The following ACACB variants were observed in gnomAD, a reference collection of about 807,000 sequenced individuals.
ACACB encodes acetyl-CoA carboxylase beta.
A neutral mutation model predicts 278.8 loss-of-function variants in ACACB; 209 were observed. The observed-to-expected ratio is 0.75, with a 90% CI of 0.67 to 0.84. ACACB has a LOEUF of 0.84. Ranked by LOEUF, ACACB falls within the 40% of genes least tolerant of loss-of-function variation. The pLI is 0.00. For synonymous variants in ACACB, 1,174 were observed against 1,285.6 expected (o/e 0.91, Z 1.86); for missense variants, 2,850 against 3,269.0 (o/e 0.87, Z 3.13).
chr12:109,231,524 G>T (rs1256076784), intron 28 of ACACB, among the ~76,000 whole-genome samples: 1 of 152,154 alleles, frequency 6.6e-6, no homozygotes, highest in African/African-American at 2.4e-5. Context: ...GAGGGGCCAT[G>T]ATCGTGATTT....
chr12:109,193,541 T>C (rs1460281364), intron 15 of ACACB, 107 bp from the exon 16 acceptor site: 2 of 887,196 alleles, frequency 2.3e-6, no homozygotes, highest in South Asian at 2.9e-5. Context: ...TTTAGTGCAG[T>C]CAGGTTTGCT....
In ACACB at chr12:109,258,839, T is replaced by G. The variant is rs2047301505; in HGVS notation, c.6361-134T>G. 3.4e-6 allele frequency: 4 copies of G among 1,188,948 alleles called. No individual in the cohort carries two copies. The Admixed American group carries it at 9.0e-5, about 27-fold the overall frequency. 73.6% of individuals were successfully genotyped at this position (1,188,948 alleles called of 1,614,324 possible). On this transcript the variant is annotated intron_variant, in intron 46 of 52. Coordinates refer to ENST00000338432, the MANE Select transcript of ACACB (RefSeq NM_001093.4). ...GGAGGAGATGGGGCTTCCATCCTTC[T>G]GAGCCCTGGCTCTGGTGCTGGGGCC...
At chr12:109,147,780 CAT>C (rs774978324) in intron 2 of ACACB, among the ~76,000 whole-genome samples, 6 of 151,998 alleles carry the variant, frequency 3.9e-5, no homozygotes, top group Non-Finnish European at 7.3e-5. Context: ...GAATGTAAAA[CAT>C]GTGATGAATG....
At position 109,179,386 on chromosome 12, in the gene ACACB, A is replaced by G. The variant is rs1031079555; in HGVS notation, c.1647+89A>G. On this transcript the variant is annotated intron_variant, in intron 10 of 52. Coordinates refer to ENST00000338432, the MANE Select transcript of ACACB (RefSeq NM_001093.4). The stretch of plus-strand genomic sequence containing the variant: ...AACTTTCTACGGTCAGTGTGGCTGA[A>G]TGGTGGCATGGGTGCCTAACAAGAG... The G allele has an allele frequency of 2.9e-6, 4 of 1,362,098 alleles. No homozygotes were observed. In the Admixed American group the frequency reaches 7.9e-5, roughly 27 times the overall value. The allele number at this position is 1,362,098 out of a possible 1,614,324, so 84.4% of individuals were successfully genotyped here.
chr12:109,207,835 T>C (rs544611768), intron 20 of ACACB, among the ~76,000 whole-genome samples: 1 of 152,150 alleles, frequency 6.6e-6, no homozygotes, highest in African/African-American at 2.4e-5. Flanking sequence ...TGTGCCACCA[T>C]ACCCAGCTAA....
chr12:109,234,179 T>A (rs910823215), intron 31 of ACACB, 134 bp downstream of exon 31: 1 of 719,656 alleles, frequency 1.4e-6, no homozygotes, highest in African/African-American at 1.8e-5. Flanking sequence ...CCACTCTAGC[T>A]CTGCTCGCCT....
At chr12:109,221,806 G>T (rs914495186) in intron 24 of ACACB, among the ~76,000 whole-genome samples, 24 of 151,948 alleles carry the variant, frequency 1.6e-4, no homozygotes, top group Non-Finnish European at 2.5e-4. Context: ...GGGAGAATTT[G>T]GGGAGTTGTA....
At position 109,180,043 on chromosome 12, in the gene ACACB, A is replaced by G; in HGVS notation, c.1774A>G (p.Thr592Ala). 1 of 1,613,064 alleles carries G rather than the reference A, an allele frequency of 6.2e-7. No homozygotes were observed. The highest frequency in any genetic ancestry group is 8.5e-7 in the Non-Finnish European group (1 of 1,179,978). ...TCGCTTGCAGGTGGAACATCCCTGCACAGAAATGATTGCTGATGTTAATCT... is the reference window on the plus strand; with the variant it reads ...TCGCTTGCAGGTGGAACATCCCTGCGCAGAAATGATTGCTGATGTTAATCT... ...NPRLQVEHPC[T>A]EMIADVNLPA... Residue 592 changes from threonine to alanine, a missense_variant, in exon 11 of 53, where the codon ACA (threonine) becomes GCA (alanine). Thr to Ala is a moderately conservative substitution (Grantham distance 58). Around this residue, in one of 3 missense-constraint regions of ACACB, gnomAD observed 2,265 missense variants for 2,561.3 expected, o/e 0.88. Transcript: ENST00000338432.
intron 2 of ACACB, among the ~76,000 whole-genome samples, chr12:109,148,824 G>A (rs1056656857): frequency 6.6e-6 from 1 of 152,138 alleles, no homozygotes; most frequent in African/African-American, 2.4e-5. Flanking sequence ...GTGTTTGTAT[G>A]TGTGTGTCTT....
At chr12:109,232,928 G>T in intron 29 of ACACB, 122 bp downstream of exon 29, 1 of 1,189,346 alleles carries the variant, frequency 8.4e-7, no homozygotes, top group Admixed American at 2.3e-5. Context: ...GGCACAGCAT[G>T]TCAATAACAA....
rs745510148 is a variant in ACACB at position 109,166,956 on chromosome 12, T to G, written c.749T>G (p.Phe250Cys). Reference sequence around the variant, plus strand: ...TTTACCGTGGCTTCTCCCGCTGAGTTTGTCACACGCTTTGGGGGGGATCGG... The same window carrying G: ...TTTACCGTGGCTTCTCCCGCTGAGTGTGTCACACGCTTTGGGGGGGATCGG... ...RDFTVASPAE[F>C]VTRFGGDRVI... is the part of the protein sequence containing the mutation. The change falls in exon 3 of 53, where the codon TTT becomes TGT. Residue 250 changes from phenylalanine to cysteine, a missense_variant. Around this residue, in one of 3 missense-constraint regions of ACACB, gnomAD observed 2,265 missense variants for 2,561.3 expected, o/e 0.88. Transcript: ENST00000338432. 1 of 1,613,878 alleles carries G rather than the reference T, an allele frequency of 6.2e-7. No individual in the cohort carries two copies. Among genetic ancestry groups the G allele is most frequent in the Non-Finnish European group, 8.5e-7 (1 of 1,179,972 alleles).
At chr12:109,158,270 G>A (rs183678594) in intron 2 of ACACB, among the ~76,000 whole-genome samples, 103 of 152,182 alleles carry the variant, frequency 6.8e-4, no homozygotes, top group African/African-American at 2.3e-3. Flanking sequence ...TTATGTAATT[G>A]AACAGGCCTG....
intron 1 of ACACB, among the ~76,000 whole-genome samples, chr12:109,133,863 ATTTTTTT>A (rs67896522): frequency 4.2e-5 from 3 of 70,644 alleles, no homozygotes; most frequent in African/African-American, 2.7e-4. Context: ...ATATATATAT[ATTTTTTT>A]TTTTTTTTTT....
chr12:109,251,903 A>T (rs988467975), intron 41 of ACACB, 143 bp from the exon 42 acceptor site: 3 of 550,572 alleles, frequency 5.4e-6, no homozygotes, highest in Admixed American at 3.6e-5. Context: ...TTTTGCCTCT[A>T]CTGTGGTTTG....
Position 109,265,509 on chromosome 12 carries a change from C to G in ACACB, c.7234C>G (p.Leu2412Val). 6.2e-7 allele frequency: 1 copy of G among 1,613,698 alleles called. No individual in the cohort carries two copies. ...NITYLKHDSV[L>V]KTIRGLVEEN... ...CACGTACCTGAAGCACGACTCTGTC[C>G]TCAAGACCATCCGAGGGTGAGTGGC... Residue 2412 changes from leucine to valine, a missense_variant, in exon 52 of 53, where the codon CTC becomes GTC. Physicochemically the swap from Leu to Val is conservative, Grantham distance 32. Coordinates refer to ENST00000338432, the MANE Select transcript of ACACB (RefSeq NM_001093.4).
chr12:109,130,668 G>C (rs1463704149), intron 1 of ACACB, among the ~76,000 whole-genome samples: 2 of 152,164 alleles, frequency 1.3e-5, no homozygotes, highest in African/African-American at 4.8e-5. Flanking sequence ...TCTACAGGCC[G>C]AGTGCAGGTG....
chr12:109,135,743 C>T (rs1323053609), intron 1 of ACACB, among the ~76,000 whole-genome samples: 3 of 149,894 alleles, frequency 2.0e-5, no homozygotes, highest in Non-Finnish European at 4.4e-5. Context: ...AGGGGTCCAA[C>T]TTTTTATTCT....
chr12:109,253,487 GCCTT>G (rs888709798), intron 43 of ACACB, among the ~76,000 whole-genome samples: 1 of 152,130 alleles, frequency 6.6e-6, no homozygotes, highest in African/African-American at 2.4e-5. Flanking sequence ...TTTGATTCCT[GCCTT>G]CCTCCTCGGT....
At position 109,221,894 on chromosome 12, in the gene ACACB, T is replaced by TGG. The variant is rs1555225730; in HGVS notation, c.3565-607_3565-606dup. Among the ~76,000 whole-genome samples the TGG allele has an allele frequency of 2.1e-3, 267 of 128,286 alleles. 8 individuals are homozygous for TGG. Among genetic ancestry groups the TGG allele is most frequent in the African/African-American group, 7.0e-3 (223 of 31,986 alleles). The allele number at this position is 128,286 out of a possible 152,430, so 84.2% of individuals were successfully genotyped here. ...AATCACTGACCTTTTTTTTTTTTTT[T>TGG]GGGGGGGAGACAGAGTCTGGCTCTG... On this transcript the variant is annotated intron_variant, in intron 24 of 52. Transcript: ENST00000338432.
Sources: gnomAD v4.1 joint callset for allele counts (sites outside exome capture counted in the v4.1 genomes callset) on GRCh38, gnomAD v4.1.1 for gene constraint, gnomAD v4.1.1 regional missense constraint, MANE v1.5 for transcripts, NCBI Gene and HGNC (gene_info 2026-07-23, HGNC 2026-07-21) for gene names.